The following USH2A variants were observed in gnomAD, a reference collection of about 807,000 sequenced individuals.
USH2A encodes usherin, also known as Usher syndrome 2A (autosomal recessive, mild).
USH2A carries 443 observed loss-of-function variants against 538.9 expected under a neutral mutation model. The observed-to-expected ratio is 0.82, with a 90% CI of 0.76 to 0.89. The LOEUF is 0.89. Among genes scored for constraint, USH2A ranks in the 40% least tolerant of loss-of-function variants. The pLI is 0.00. For missense variants in USH2A, 6,633 were observed against 6,324.8 expected (o/e 1.05, Z -1.65); for synonymous variants, 2,413 against 2,273.5 (o/e 1.06, Z -1.75).
At chr1:216,214,742 G>A (rs965714294) in intron 15 of USH2A, among the ~76,000 whole-genome samples, 3 of 151,988 alleles carry the variant, frequency 2.0e-5, no homozygotes, top group Non-Finnish European at 2.9e-5. Context: ...GCTAGAAGAG[G>A]CTCTCTGGCA....
At chr1:215,945,599 G>A (rs1294771313) in intron 37 of USH2A, among the ~76,000 whole-genome samples, 1 of 152,132 alleles carries the variant, frequency 6.6e-6, no homozygotes, top group Non-Finnish European at 1.5e-5. Flanking sequence ...TGCTGATGAT[G>A]TTATAGCTAC....
chr1:216,156,288 T>C (rs966363113), intron 21 of USH2A, among the ~76,000 whole-genome samples: 32 of 92,874 alleles, frequency 3.4e-4, no homozygotes, highest in Non-Finnish European at 5.5e-4. Context: ...TTCTTTCTTT[T>C]TTTTTTCTTT....
chr1:216,040,038 GTC>G (rs201279706), intron 32 of USH2A, among the ~76,000 whole-genome samples: 1,555 of 133,436 alleles, frequency 0.012, 31 homozygotes, highest in African/African-American at 0.043. Flanking sequence ...TTATTTTTCT[GTC>G]TCTCAATTAC....
rs752244441 is a variant in USH2A, at chr1:215,813,750, G to T, written c.9725C>A (p.Ala3242Asp). Residue 3242 changes from alanine to aspartate, a missense_variant, in exon 49 of 72, where the codon GCT becomes GAT. Physicochemically the swap from Ala to Asp is moderately radical, Grantham distance 126 (BLOSUM62 -2). Transcript: ENST00000307340. ...PNHQCCSGYY[A>D]RILPGEVCCP... ...ATAACCCTCACCTGGTAGAATTCTA[G>T]CGTAATACCCAGAGCAGCACTGATG... 2 of 1,613,816 alleles carry T rather than the reference G, an allele frequency of 1.2e-6. No individual in the cohort carries two copies. The highest frequency in any genetic ancestry group is 1.7e-6 in the Non-Finnish European group (2 of 1,179,824).
chr1:216,131,637 A>G (rs2033378863), intron 21 of USH2A, among the ~76,000 whole-genome samples: 2 of 152,060 alleles, frequency 1.3e-5, no homozygotes, highest in African/African-American at 4.8e-5. Context: ...AAACCAATCT[A>G]TTTGCTATTT....
chr1:216,033,065 CT>C (rs1375855055), intron 32 of USH2A, among the ~76,000 whole-genome samples: 1 of 152,170 alleles, frequency 6.6e-6, no homozygotes, highest in Non-Finnish European at 1.5e-5. Context: ...CCATGATGAT[CT>C]CTCAATCTTC....
intron 21 of USH2A, among the ~76,000 whole-genome samples, chr1:216,108,372 C>G (rs775326838): frequency 4.6e-5 from 7 of 150,584 alleles, no homozygotes; most frequent in Non-Finnish European, 1.0e-4. Flanking sequence ...TTCCTTTTCT[C>G]TAGCTGATTT....
Position 216,104,602 on chromosome 1 carries a change from A to G in USH2A, c.4628-7389T>C, listed in dbSNP as rs549655235. ...TCACTATTAAATAAATGGTGCTGGG[A>G]AAACTGGCTAGCCATATGTAGAAAG... On this transcript the variant is annotated intron_variant, in intron 21 of 71. Transcript: ENST00000307340. 9.2e-5 allele frequency among the ~76,000 whole-genome samples: 14 copies of G among 152,350 alleles called. 1 individual carries two copies. In the East Asian group the frequency reaches 2.5e-3, roughly 27 times the overall value.
chr1:216,064,855 G>A (rs2031298578), intron 30 of USH2A, among the ~76,000 whole-genome samples: 1 of 152,130 alleles, frequency 6.6e-6, no homozygotes, highest in Admixed American at 6.5e-5. Context: ...GCAAGGTGAT[G>A]AAATCTCCTA....
rs1484424118 is a variant in USH2A, at chr1:215,634,618, T to C, written c.15138A>G (p.Leu5046=). ...EFYSELWFIV[L]MAMLGLILLA... is the part of the protein sequence containing the mutation. ...ACAAGATCAAGCCCAGCATCGCCAT[T>C]AACACTATGAACCACAGCTCGCTGT... The change falls in exon 70 of 72, where the codon TTA becomes TTG. Residue 5046 remains leucine, a synonymous_variant. Transcript: ENST00000307340. 2.5e-6 allele frequency: 4 copies of C among 1,614,104 alleles called. No homozygotes were observed. Among genetic ancestry groups the C allele is most frequent in the East Asian group, 4.5e-5 (2 of 44,906 alleles).
chr1:216,410,018 GA>G (rs1168289073), intron 3 of USH2A, among the ~76,000 whole-genome samples: 3 of 151,702 alleles, frequency 2.0e-5, no homozygotes, highest in Non-Finnish European at 2.9e-5. Flanking sequence ...AAATCTACAA[GA>G]AAAAAACAAC....
At chr1:215,820,994 G>A (rs964146956) in intron 47 of USH2A, among the ~76,000 whole-genome samples, 2 of 151,670 alleles carry the variant, frequency 1.3e-5, no homozygotes, top group African/African-American at 4.8e-5. Context: ...CATTCATGAT[G>A]GGCACTTAGG....
intron 9 of USH2A, among the ~76,000 whole-genome samples, chr1:216,314,027 T>C (rs2037466556): frequency 6.6e-6 from 1 of 152,222 alleles, no homozygotes; most frequent in Non-Finnish European, 1.5e-5. Flanking sequence ...CATTATATTA[T>C]ACCTATGTAT....
At chr1:216,193,096 CTATAA>C (rs1466895843) in intron 19 of USH2A, among the ~76,000 whole-genome samples, 8 of 151,806 alleles carry the variant, frequency 5.3e-5, no homozygotes, top group East Asian at 1.9e-4. Flanking sequence ...ACAACAACTA[CTATAA>C]TATAAGTAAT....
chr1:216,376,385 T>C (rs1474821471), intron 3 of USH2A, among the ~76,000 whole-genome samples: 2 of 151,806 alleles, frequency 1.3e-5, no homozygotes, highest in Non-Finnish European at 2.9e-5. Context: ...ATATAGAGGG[T>C]AGTGAATAAG....
chr1:216,012,565 C>G (rs1445450242), intron 32 of USH2A, among the ~76,000 whole-genome samples: 16 of 152,130 alleles, frequency 1.1e-4, no homozygotes, highest in Non-Finnish European at 1.0e-4. Context: ...AGTCTGATAA[C>G]AGACCAGCCT....
rs771060378 is a variant in USH2A at position 215,970,625 on chromosome 1, C to T, written c.6957G>A (p.Leu2319=). The change falls in exon 36 of 72, where the codon CTG becomes CTA. Residue 2319 remains leucine (L), a splice_region_variant and synonymous_variant. Coordinates refer to ENST00000307340, the MANE Select transcript of USH2A (RefSeq NM_206933.4). ...CTAKGCALGP[L]VENRTLEAPP... ...CTAGAATGTAAATTTAGATACTCAC[C>T]AGTGGGCCCAGAGCACAACCTTTGG... 6.2e-7 allele frequency: 1 copy of T among 1,613,390 alleles called. No homozygotes were observed. The highest frequency in any genetic ancestry group is 1.3e-5 in the African/African-American group (1 of 74,866).
intron 21 of USH2A, among the ~76,000 whole-genome samples, chr1:216,163,797 C>T (rs1432793109): frequency 6.6e-5 from 10 of 150,748 alleles, no homozygotes; most frequent in African/African-American, 2.4e-4. Context: ...TTTTTTTTCC[C>T]TAAGACTATG....
At chr1:216,367,720 G>GT (rs1346782006) in intron 3 of USH2A, among the ~76,000 whole-genome samples, 1 of 151,976 alleles carries the variant, frequency 6.6e-6, no homozygotes, top group African/African-American at 2.4e-5. Flanking sequence ...ATCTTCCTTG[G>GT]TTTTTCTGCA....
Sources: allele counts gnomAD v4.1 joint callset (sites outside exome capture counted in the v4.1 genomes callset), GRCh38; gene constraint gnomAD v4.1.1; transcripts MANE v1.5; gene names NCBI Gene and HGNC (gene_info 2026-07-23, HGNC 2026-07-21).